DIS3L2: variants seen among roughly 807,000 people sequenced by gnomAD.
DIS3L2 encodes the protein DIS3 like 3'-5' exoribonuclease 2, also known as DIS3-like exonuclease 2.
Under a neutral mutation model 97.5 loss-of-function variants are expected in DIS3L2, and 34 were observed. The observed-to-expected ratio is 0.35, with a 90% CI of 0.27 to 0.46. DIS3L2 has a LOEUF of 0.46. Among genes scored for constraint, DIS3L2 ranks in the 20% least tolerant of loss-of-function variants. DIS3L2 has a pLI of 1.00. For synonymous variants in DIS3L2, 435 were observed against 445.2 expected, an observed-to-expected ratio of 0.98 and a Z score of 0.29; for missense variants, 1,038 against 1,146.0, an observed-to-expected ratio of 0.91 and a Z score of 1.36.
At chr2:232,023,632 GA>G (rs2106231993) in intron 3 of DIS3L2, among the ~76,000 whole-genome samples, 1 of 152,274 alleles carries the variant, frequency 6.6e-6, no homozygotes, top group South Asian at 2.1e-4. Context: ...AATAGAAGCA[GA>G]CCCTGATTTG....
chr2:232,156,523 TTCCTTCTACTC>T (rs1386882572), intron 8 of DIS3L2, among the ~76,000 whole-genome samples: 1 of 152,036 alleles, frequency 6.6e-6, no homozygotes, highest in Non-Finnish European at 1.5e-5. Context: ...GTTTGGATGG[TTCCTTCTACTC>T]TCCCTCCCTG....
intron 10 of DIS3L2, among the ~76,000 whole-genome samples, chr2:232,210,869 CCT>C (rs1270344844): frequency 6.6e-6 from 1 of 151,736 alleles, no homozygotes; most frequent in Non-Finnish European, 1.5e-5. Context: ...CTGAGAACTG[CCT>C]CTCTAGGGCT....
chr2:232,008,533 A>T (rs1032953351), intron 1 of DIS3L2, among the ~76,000 whole-genome samples: 1 of 152,174 alleles, frequency 6.6e-6, no homozygotes, highest in Non-Finnish European at 1.5e-5. Context: ...CTATGCTGGA[A>T]GCACTCCACA....
chr2:232,229,865 T>TGGATGGCAAAGA (rs1365432436), intron 10 of DIS3L2, among the ~76,000 whole-genome samples: 10 of 152,192 alleles, frequency 6.6e-5, no homozygotes, highest in African/African-American at 2.4e-4. Context: ...AACCTCTTGC[T>TGGATGGCAAAGA]GGATGGCAAA....
At chr2:232,169,952 A>AAGT (rs575930799) in intron 9 of DIS3L2, among the ~76,000 whole-genome samples, 132 of 152,280 alleles carry the variant, frequency 8.7e-4, no homozygotes, top group Non-Finnish European at 1.6e-3. Context: ...AATTTTCAAG[A>AAGT]AGTTAGGCTT....
At chr2:232,271,318 C>G (rs902473135) in intron 13 of DIS3L2, among the ~76,000 whole-genome samples, 2 of 152,198 alleles carry the variant, frequency 1.3e-5, no homozygotes, top group African/African-American at 2.4e-5. Context: ...AGTCTTTTCT[C>G]TTACCTCCTG....
chr2:232,174,139 C>T (rs1574925987), intron 9 of DIS3L2, among the ~76,000 whole-genome samples: 1 of 152,072 alleles, frequency 6.6e-6, no homozygotes, highest in Non-Finnish European at 1.5e-5. Flanking sequence ...GTATACAAGG[C>T]TTCTTTGTTA....
intron 6 of DIS3L2, among the ~76,000 whole-genome samples, chr2:232,110,018 C>G (rs1697476716): frequency 1.3e-5 from 2 of 152,114 alleles, no homozygotes; most frequent in African/African-American, 4.8e-5. Flanking sequence ...CAAGAAAACA[C>G]ATCCCCATTA....
chr2:232,249,752 G>T (rs540959732), intron 12 of DIS3L2, among the ~76,000 whole-genome samples: 1 of 152,352 alleles, frequency 6.6e-6, no homozygotes, highest in East Asian at 1.9e-4. Context: ...GTTTACATAG[G>T]TGGGGTGAAA....
intron 11 of DIS3L2, among the ~76,000 whole-genome samples, chr2:232,248,056 T>C (rs1693313193): frequency 6.6e-6 from 1 of 152,202 alleles, no homozygotes; most frequent in Non-Finnish European, 1.5e-5. Flanking sequence ...CAATTATTTG[T>C]TACTGGTGTG....
intron 5 of DIS3L2, among the ~76,000 whole-genome samples, chr2:232,083,304 A>G (rs1574860722): frequency 1.5e-5 from 2 of 132,982 alleles, no homozygotes; most frequent in East Asian, 5.6e-4. Context: ...CCACATATAC[A>G]TACATGCAGA....
intron 5 of DIS3L2, among the ~76,000 whole-genome samples, chr2:232,044,118 G>T (rs1263279377): frequency 6.9e-6 from 1 of 144,172 alleles, no homozygotes; most frequent in Non-Finnish European, 1.5e-5. Flanking sequence ...AGGCAGGGGT[G>T]GTGGTGGTGG....
At chr2:232,264,675 G>A (rs1008990087) in intron 13 of DIS3L2, among the ~76,000 whole-genome samples, 2 of 152,236 alleles carry the variant, frequency 1.3e-5, no homozygotes, top group African/African-American at 4.8e-5. Flanking sequence ...CTTTCCCTGA[G>A]CCTGTCAGCT....
At chr2:232,181,351 G>GTT (rs1691263107) in intron 9 of DIS3L2, among the ~76,000 whole-genome samples, 1 of 152,158 alleles carries the variant, frequency 6.6e-6, no homozygotes, top group South Asian at 2.1e-4. Flanking sequence ...GAATCTGAAT[G>GTT]TTGGGCTGCC....
intron 13 of DIS3L2, among the ~76,000 whole-genome samples, chr2:232,299,597 T>C (rs1694806382): frequency 6.6e-6 from 1 of 152,162 alleles, no homozygotes; most frequent in Non-Finnish European, 1.5e-5. Flanking sequence ...CAGGTCAGGC[T>C]CTTCACTTTC....
rs759280088 is a variant in DIS3L2 at position 232,336,511 on chromosome 2, G to C, written c.2539G>C (p.Glu847Gln). Reference protein sequence around the residue: ...FSLVEVVLQAESTALKYSAIL... With the variant: ...FSLVEVVLQAQSTALKYSAIL... ...CCTGGTGGAGGTGGTCCTGCAGGCA[G>C]AGTCCACAGCCCTCAAGTACAGCGC... is the stretch of plus-strand genomic sequence containing the variant. Residue 847 changes from glutamate (E) to glutamine (Q), a missense_variant, in exon 21 of 21, where the codon GAG becomes CAG. Glu to Gln is a conservative substitution (Grantham distance 29, BLOSUM62 2). Around this residue, in one of 3 missense-constraint regions of DIS3L2, gnomAD observed 221 missense variants for 246.9 expected, o/e 0.90. Coordinates refer to ENST00000325385, the MANE Select transcript of DIS3L2 (RefSeq NM_152383.5). 1.9e-5 allele frequency: 30 copies of C among 1,611,282 alleles called. No homozygotes were observed. The highest frequency in any genetic ancestry group is 2.5e-5 in the Non-Finnish European group (30 of 1,179,916).
intron 9 of DIS3L2, among the ~76,000 whole-genome samples, chr2:232,197,400 C>T (rs553655692): frequency 2.6e-5 from 4 of 152,160 alleles, no homozygotes; most frequent in South Asian, 4.2e-4. Flanking sequence ...CTTTCACTAT[C>T]GTTTTCCTAT....
chr2:232,158,789 A>G (rs1463486114), intron 8 of DIS3L2, among the ~76,000 whole-genome samples: 1 of 152,234 alleles, frequency 6.6e-6, no homozygotes, highest in Non-Finnish European at 1.5e-5. Flanking sequence ...CTGTGAGAAT[A>G]ATAAATGAGT....
At chr2:232,259,600 C>T (rs1693664703) in intron 12 of DIS3L2, among the ~76,000 whole-genome samples, 1 of 152,012 alleles carries the variant, frequency 6.6e-6, no homozygotes, top group Non-Finnish European at 1.5e-5. Flanking sequence ...GGGCCTGGAG[C>T]ATTCACTAAG....
Sources: allele counts gnomAD v4.1 joint callset (sites outside exome capture counted in the v4.1 genomes callset), GRCh38; gene constraint gnomAD v4.1.1; regional missense constraint gnomAD v4.1.1; transcripts MANE v1.5; gene names NCBI Gene and HGNC (gene_info 2026-07-23, HGNC 2026-07-21).